NKAIN2: variants seen among roughly 807,000 people sequenced by gnomAD.
The protein encoded by NKAIN2 is sodium/potassium-transporting ATPase subunit beta-1-interacting protein 2.
NKAIN2 carries 14 observed loss-of-function variants against 32.6 expected under a neutral mutation model. The ratio of observed to expected loss-of-function variants is 0.43; its 90% CI spans 0.28 to 0.67. NKAIN2 has a LOEUF of 0.67. Ranked by LOEUF, NKAIN2 falls within the 30% of genes least tolerant of loss-of-function variation. The probability of loss-of-function intolerance (pLI) is 0.17; values close to 1 mark genes in which losing one functional copy is unlikely to be tolerated. For synonymous variants in NKAIN2, 80 were observed against 87.2 expected (o/e 0.92, Z 0.46); for missense variants, 198 against 258.3 (o/e 0.77, Z 1.60).
intron 3 of NKAIN2, among the ~76,000 whole-genome samples, chr6:124,624,973 G>T (rs1562290814): frequency 6.6e-6 from 1 of 151,938 alleles, no homozygotes; most frequent in Non-Finnish European, 1.5e-5. Context: ...TCTAGCTTTA[G>T]CAAATCTAGC....
chr6:124,309,885 T>A (rs1424143656), intron 2 of NKAIN2, among the ~76,000 whole-genome samples: 1 of 152,128 alleles, frequency 6.6e-6, no homozygotes, highest in African/African-American at 2.4e-5. Flanking sequence ...CTTCTTTCCC[T>A]TCTCTCTCCT....
intron 3 of NKAIN2, among the ~76,000 whole-genome samples, chr6:124,488,531 T>C (rs1777741033): frequency 6.6e-6 from 1 of 152,032 alleles, no homozygotes; most frequent in Non-Finnish European, 1.5e-5. Context: ...ACAAATCCCT[T>C]GCCTTATCAT....
At chr6:124,235,637 C>T (rs1257652845) in intron 1 of NKAIN2, among the ~76,000 whole-genome samples, 1 of 150,166 alleles carries the variant, frequency 6.7e-6, no homozygotes, top group East Asian at 2.0e-4. Flanking sequence ...CTCACTCTGT[C>T]ACCCAGACTG....
intron 3 of NKAIN2, among the ~76,000 whole-genome samples, chr6:124,540,000 C>T (rs1172694399): frequency 2.0e-5 from 3 of 152,176 alleles, no homozygotes; most frequent in Admixed American, 1.3e-4. Flanking sequence ...GGATTATAGG[C>T]GTGAGCCACC....
intron 3 of NKAIN2, among the ~76,000 whole-genome samples, chr6:124,541,197 A>C (rs1562246356): frequency 6.6e-6 from 1 of 152,164 alleles, no homozygotes; most frequent in Non-Finnish European, 1.5e-5. Flanking sequence ...TGATCATTTA[A>C]AGTACTTTTT....
chr6:124,122,010 C>A, intron 1 of NKAIN2: 2 of 388,008 alleles, frequency 5.2e-6, no homozygotes, highest in Non-Finnish European at 8.6e-6. Flanking sequence ...GAACTCATGA[C>A]CATACATCAG....
At chr6:124,612,478 G>A (rs1005816088) in intron 3 of NKAIN2, among the ~76,000 whole-genome samples, 5 of 152,124 alleles carry the variant, frequency 3.3e-5, no homozygotes, top group African/African-American at 1.2e-4. Context: ...GGAGTTACTA[G>A]CCTGAAGAAT....
intron 4 of NKAIN2, among the ~76,000 whole-genome samples, chr6:124,779,712 A>C (rs188991816): frequency 1.5e-4 from 23 of 152,252 alleles, no homozygotes; most frequent in Admixed American, 1.4e-3. Flanking sequence ...TGAGACCACA[A>C]ATATGGGGTC....
At chr6:123,843,849 G>T (rs1038602264) in intron 1 of NKAIN2, among the ~76,000 whole-genome samples, 2 of 152,078 alleles carry the variant, frequency 1.3e-5, no homozygotes, top group Admixed American at 6.6e-5. Flanking sequence ...AAGTCTCTCA[G>T]GTAATAAAAG....
chr6:124,616,149 C>A (rs2115006386), intron 3 of NKAIN2, among the ~76,000 whole-genome samples: 1 of 152,188 alleles, frequency 6.6e-6, no homozygotes, highest in Non-Finnish European at 1.5e-5. Flanking sequence ...CTATCCTCTT[C>A]TTCTGGCTGG....
At chr6:124,411,724 G>T (rs1413136000) in intron 3 of NKAIN2, among the ~76,000 whole-genome samples, 18 of 152,126 alleles carry the variant, frequency 1.2e-4, no homozygotes, top group Non-Finnish European at 1.6e-4. Context: ...TTTGAATTTT[G>T]GCCTGCCTTG....
At chr6:124,640,851 ATCCTTCCC>A (rs974376455) in intron 3 of NKAIN2, among the ~76,000 whole-genome samples, 1 of 151,798 alleles carries the variant, frequency 6.6e-6, no homozygotes, top group Non-Finnish European at 1.5e-5. Context: ...TTTCATTTCC[ATCCTTCCC>A]TCCTTCCCTC....
intron 1 of NKAIN2, among the ~76,000 whole-genome samples, chr6:124,115,352 C>T (rs1759153588): frequency 6.6e-6 from 1 of 152,100 alleles, no homozygotes; most frequent in Non-Finnish European, 1.5e-5. Context: ...AAGCATAGGT[C>T]AGCCACACCT....
At chr6:124,310,939 C>A (rs1304359354) in intron 2 of NKAIN2, among the ~76,000 whole-genome samples, 1 of 152,134 alleles carries the variant, frequency 6.6e-6, no homozygotes, top group Non-Finnish European at 1.5e-5. Flanking sequence ...AACTAAAAAT[C>A]TGTGAACAAA....
chr6:123,972,983 A>C (rs73557018), intron 1 of NKAIN2, among the ~76,000 whole-genome samples: 2,500 of 152,254 alleles, frequency 0.016, 84 homozygotes, highest in African/African-American at 0.057. Flanking sequence ...TATCAAAATT[A>C]AAGAGTAGTA....
At chr6:124,028,832 CATATATAT>C (rs1781253297) in intron 1 of NKAIN2, among the ~76,000 whole-genome samples, 3 of 138,772 alleles carry the variant, frequency 2.2e-5, no homozygotes, top group Admixed American at 7.2e-5. Flanking sequence ...TATATATATA[CATATATAT>C]GTATATATGT....
rs183348835 is a variant in NKAIN2 at position 123,877,181 on chromosome 6, A to G, written c.54+72927A>G. ...TTCTGTGGGCCTAATATTATTTAAC[A>G]TATAAATTATTCTGTTTTTATTTTC... On this transcript the variant is annotated intron_variant, in intron 1 of 6. Transcript: ENST00000368417. 1.2e-3 allele frequency among the ~76,000 whole-genome samples: 183 copies of G among 152,268 alleles called. 1 individual carries two copies. The highest frequency in any genetic ancestry group is 4.1e-3 in the African/African-American group (172 of 41,572).
intron 1 of NKAIN2, among the ~76,000 whole-genome samples, chr6:123,842,776 C>T (rs550013715): frequency 2.6e-5 from 4 of 152,208 alleles, no homozygotes; most frequent in African/African-American, 9.6e-5. Flanking sequence ...AGACCCCATG[C>T]TAGTTAATGC....
intron 4 of NKAIN2, among the ~76,000 whole-genome samples, chr6:124,757,450 T>G (rs898453340): frequency 6.6e-6 from 1 of 152,112 alleles, no homozygotes; most frequent in Non-Finnish European, 1.5e-5. Flanking sequence ...TGTGAAGGAG[T>G]CAAAAGTCAC....
Sources: allele counts gnomAD v4.1 joint callset (sites outside exome capture counted in the v4.1 genomes callset), GRCh38; gene constraint gnomAD v4.1.1; transcripts MANE v1.5; gene names NCBI Gene and HGNC (gene_info 2026-07-23, HGNC 2026-07-21).